SLC22A25: variants seen among roughly 807,000 people sequenced by gnomAD.
The protein encoded by SLC22A25 is solute carrier family 22 member 25.
A neutral mutation model predicts 45.9 loss-of-function variants in SLC22A25; 44 were observed. The observed-to-expected ratio is 0.96, with a 90% CI of 0.75 to 1.23. SLC22A25 has a LOEUF of 1.23. Ranked by LOEUF, SLC22A25 falls within the 50% of genes most tolerant of loss-of-function variation. SLC22A25 has a pLI of 0.00. For missense variants in SLC22A25, 800 were observed against 666.4 expected, an observed-to-expected ratio of 1.20 and a Z score of -2.21; for synonymous variants, 283 against 238.6, an observed-to-expected ratio of 1.19 and a Z score of -1.72.
intron 7 of SLC22A25, among the ~76,000 whole-genome samples, chr11:63,184,738 C>T (rs1434678712): frequency 6.6e-6 from 1 of 152,058 alleles, no homozygotes; most frequent in Non-Finnish European, 1.5e-5. Context: ...ACATAGATCA[C>T]AATTAAGGAT....
rs567403958 is a variant in SLC22A25, at chr11:63,240,037, A to G, written c.-995-902T>C. On this transcript the variant is annotated intron_variant, in intron 1 of 11. Coordinates refer to ENST00000306494, the MANE Select transcript of SLC22A25 (RefSeq NM_199352.6). ...GTACTTACGCAAACCTATATGGTGT[A>G]GTCTAATGCACACCTAGGCTATATG... 2.9e-4 allele frequency among the ~76,000 whole-genome samples: 44 copies of G among 152,288 alleles called. No homozygotes were observed. The Middle Eastern group carries it at 0.014, about 47-fold the overall frequency.
chr11:63,179,193 G>T (rs2088228141), intron 9 of SLC22A25, among the ~76,000 whole-genome samples: 1 of 152,128 alleles, frequency 6.6e-6, no homozygotes, highest in Non-Finnish European at 1.5e-5. Flanking sequence ...CTGACCTCAG[G>T]TGATCCGCCT....
At chr11:63,175,825 G>A (rs571061092) in intron 9 of SLC22A25, among the ~76,000 whole-genome samples, 118 of 150,224 alleles carry the variant, frequency 7.9e-4, no homozygotes, top group Non-Finnish European at 1.5e-3. Flanking sequence ...AATTGGGTGT[G>A]TATATATATA....
At chr11:63,229,019 T>A (rs2090017272) in intron 4 of SLC22A25, among the ~76,000 whole-genome samples, 2 of 152,228 alleles carry the variant, frequency 1.3e-5, no homozygotes, top group African/African-American at 4.8e-5. Context: ...GCTTAAATTT[T>A]GGTTTTACTA....
intron 3 of SLC22A25, among the ~76,000 whole-genome samples, chr11:63,235,437 T>C (rs2090146638): frequency 6.6e-6 from 1 of 152,232 alleles, no homozygotes; most frequent in Non-Finnish European, 1.5e-5. Flanking sequence ...TTGATCGCAT[T>C]GTTTACTGAG....
chr11:63,173,457 T>C (rs1165940517), intron 9 of SLC22A25, among the ~76,000 whole-genome samples: 1 of 152,174 alleles, frequency 6.6e-6, no homozygotes, highest in East Asian at 1.9e-4. Context: ...TAGTGAATAC[T>C]TATAATTTTA....
intron 5 of SLC22A25, among the ~76,000 whole-genome samples, chr11:63,224,437 T>C (rs1442558295): frequency 1.3e-5 from 2 of 152,160 alleles, no homozygotes; most frequent in Non-Finnish European, 2.9e-5. Flanking sequence ...AATAATATTA[T>C]TGATAAGTAA....
At chr11:63,195,172 A>C (rs2134763913) in intron 7 of SLC22A25, among the ~76,000 whole-genome samples, 1 of 152,242 alleles carries the variant, frequency 6.6e-6, no homozygotes, top group Non-Finnish European at 1.5e-5. Context: ...TTAACACCCC[A>C]CTGTCAACAT....
chr11:63,198,800 T>C (rs925586822), intron 7 of SLC22A25, among the ~76,000 whole-genome samples: 1 of 152,188 alleles, frequency 6.6e-6, no homozygotes, highest in Non-Finnish European at 1.5e-5. Context: ...TGCTCCTGAA[T>C]GACTTTTGGA....
intron 5 of SLC22A25, among the ~76,000 whole-genome samples, chr11:63,225,619 T>C (rs1481964902): frequency 6.6e-6 from 1 of 152,174 alleles, no homozygotes; most frequent in Non-Finnish European, 1.5e-5. Context: ...CTTCTTTGGG[T>C]TAAATCTGCT....
chr11:63,160,892 T>A lies in SLC22A25; in HGVS notation c.*2932A>T, dbSNP rs1386674063. Among the ~76,000 whole-genome samples the A allele has an allele frequency of 6.6e-6, 1 of 152,146 alleles. No individual in the cohort carries two copies. Among genetic ancestry groups the A allele is most frequent in the Non-Finnish European group, 1.5e-5 (1 of 68,024 alleles). ...TTCCCTGCTGGATTTTGGAATTGTATGGGGCCTTTAGTAAAACTGCTATGG... is the reference window on the plus strand; with the variant it reads ...TTCCCTGCTGGATTTTGGAATTGTAAGGGGCCTTTAGTAAAACTGCTATGG... On this transcript the variant is annotated 3_prime_UTR_variant, in exon 12 of 12. Coordinates refer to ENST00000306494, the MANE Select transcript of SLC22A25 (RefSeq NM_199352.6).
At chr11:63,215,131 A>G (rs562993240) in intron 7 of SLC22A25, among the ~76,000 whole-genome samples, 1 of 152,302 alleles carries the variant, frequency 6.6e-6, no homozygotes, top group Admixed American at 6.5e-5. Flanking sequence ...ACACATGCAC[A>G]CATATGTTTA....
At position 63,236,505 on chromosome 11, in the gene SLC22A25, G is replaced by A. The variant is rs183430399; in HGVS notation, c.-445+1376C>T. ...AGCCCATTGGAAAAGCATAGTATTA[G>A]GGTGGGAGTGACCCAATTTTCCAGG... On this transcript the variant is annotated intron_variant, in intron 3 of 11. Transcript: ENST00000306494. Among the ~76,000 whole-genome samples the A allele has an allele frequency of 2.6e-5, 4 of 152,292 alleles. No homozygotes were observed. In the East Asian group the frequency reaches 5.8e-4, roughly 22 times the overall value.
chr11:63,234,970 C>A (rs959037574), intron 3 of SLC22A25, among the ~76,000 whole-genome samples: 2 of 152,228 alleles, frequency 1.3e-5, no homozygotes, highest in Non-Finnish European at 2.9e-5. Context: ...TTGGCCCCCC[C>A]TCTCTTCTGG....
intron 3 of SLC22A25, among the ~76,000 whole-genome samples, chr11:63,236,340 T>A (rs1414052340): frequency 2.0e-5 from 3 of 152,136 alleles, no homozygotes; most frequent in African/African-American, 7.2e-5. Flanking sequence ...GCCTGAGCAA[T>A]GGCAGGCACC....
chr11:63,217,507 T>C (rs1274894352), intron 6 of SLC22A25, 25 bp from the exon 7 acceptor site: 19 of 1,611,880 alleles, frequency 1.2e-5, no homozygotes, highest in Non-Finnish European at 1.6e-5. Context: ...AAACAAGATT[T>C]AGCTTTAAAT....
chr11:63,174,233 A>C (rs2088002821), intron 9 of SLC22A25, among the ~76,000 whole-genome samples: 1 of 151,706 alleles, frequency 6.6e-6, no homozygotes, highest in African/African-American at 2.4e-5. Flanking sequence ...ACATGAACTC[A>C]TCCTTTTTTA....
intron 7 of SLC22A25, among the ~76,000 whole-genome samples, chr11:63,203,626 T>G (rs898701201): frequency 7.9e-5 from 12 of 151,804 alleles, no homozygotes; most frequent in Non-Finnish European, 1.3e-4. Context: ...TGAAAAGGAA[T>G]GAACAAAGTC....
At chr11:63,206,095 C>T (rs2089395308) in intron 7 of SLC22A25, among the ~76,000 whole-genome samples, 1 of 152,134 alleles carries the variant, frequency 6.6e-6, no homozygotes, top group East Asian at 1.9e-4. Flanking sequence ...CCACTTCATG[C>T]TAAAAACTCT....
Sources: gnomAD v4.1 joint callset for allele counts (sites outside exome capture counted in the v4.1 genomes callset) on GRCh38, gnomAD v4.1.1 for gene constraint, MANE v1.5 for transcripts, NCBI Gene and HGNC (gene_info 2026-07-23, HGNC 2026-07-21) for gene names.